Variants in NFYC observed in about 807,000 individuals in gnomAD.
NFYC encodes nuclear transcription factor Y subunit gamma.
A neutral mutation model predicts 53.1 loss-of-function variants in NFYC; 25 were observed. That is an observed-to-expected ratio of 0.47 (90% confidence interval 0.34 to 0.66). The LOEUF (loss-of-function observed/expected upper bound fraction) is 0.66, where lower values mean the gene tolerates loss of function less well. Among genes scored for constraint, NFYC ranks in the 30% least tolerant of loss-of-function variants. NFYC has a pLI of 0.01. For synonymous variants in NFYC, 145 were observed against 152.6 expected, an observed-to-expected ratio of 0.95 and a Z score of 0.37; for missense variants, 260 against 422.7, an observed-to-expected ratio of 0.62 and a Z score of 3.38.
At chr1:40,733,152 A>G (rs1434752988) in intron 1 of NFYC, among the ~76,000 whole-genome samples, 2 of 151,872 alleles carry the variant, frequency 1.3e-5, no homozygotes, top group Admixed American at 6.6e-5. Context: ...TCCTACCCTC[A>G]AGGAGCTTGT....
intron 1 of NFYC, among the ~76,000 whole-genome samples, chr1:40,711,002 C>T (rs1643911314): frequency 6.6e-6 from 1 of 152,124 alleles, no homozygotes; most frequent in Non-Finnish European, 1.5e-5. Flanking sequence ...TAGGAATTTT[C>T]AGGGAATAAG....
chr1:40,718,768 A>ATACT (rs1369658605), intron 1 of NFYC, among the ~76,000 whole-genome samples: 2 of 152,250 alleles, frequency 1.3e-5, no homozygotes, highest in Admixed American at 6.5e-5. Flanking sequence ...ATGCAGATAC[A>ATACT]TACTTTGTGG....
At chr1:40,769,151 C>T (rs1282193842) in intron 8 of NFYC, 8 of 574,648 alleles carry the variant, frequency 1.4e-5, no homozygotes, top group Non-Finnish European at 1.9e-5. Flanking sequence ...CCAGGATTCT[C>T]GATGTCACTT....
At chr1:40,745,565 G>A (rs571164589) in intron 2 of NFYC, among the ~76,000 whole-genome samples, 1 of 152,190 alleles carries the variant, frequency 6.6e-6, no homozygotes, top group South Asian at 2.1e-4. Flanking sequence ...ACTTAAATAG[G>A]CTGTGATTTT....
At chr1:40,746,700 C>A (rs1284554071) in intron 2 of NFYC, among the ~76,000 whole-genome samples, 1 of 152,148 alleles carries the variant, frequency 6.6e-6, no homozygotes, top group Non-Finnish European at 1.5e-5. Flanking sequence ...CCTAGAATTG[C>A]ATCCATCATT....
intron 1 of NFYC, among the ~76,000 whole-genome samples, chr1:40,713,564 T>C (rs1320767119): frequency 1.3e-5 from 2 of 152,240 alleles, no homozygotes; most frequent in East Asian, 3.8e-4. Context: ...TCCTTATTAC[T>C]GATAATATAT....
chr1:40,757,566 A>G lies in NFYC; in HGVS notation c.388-555A>G, dbSNP rs546146135. On this transcript the variant is annotated intron_variant, in intron 5 of 9. Coordinates refer to ENST00000447388, the MANE Select transcript of NFYC (RefSeq NM_014223.5). ...CCTCAGTGACCACAGAGCTTTCAAC[A>G]AGCTGTGAAAAGCTGGGTACTTGCC... 2.0e-5 allele frequency among the ~76,000 whole-genome samples: 3 copies of G among 152,280 alleles called. No individual in the cohort carries two copies. The East Asian group carries it at 5.8e-4, about 29-fold the overall frequency.
At chr1:40,723,279 G>C (rs1644391216) in intron 1 of NFYC, 2 of 152,210 alleles carry the variant, frequency 1.3e-5, no homozygotes, top group Non-Finnish European at 2.9e-5. Flanking sequence ...CACCCGGTAA[G>C]AAAATGATGC....
At chr1:40,700,150 C>T (rs1643360180) in intron 1 of NFYC, among the ~76,000 whole-genome samples, 1 of 152,160 alleles carries the variant, frequency 6.6e-6, no homozygotes, top group African/African-American at 2.4e-5. Context: ...GATACATCTT[C>T]AAGGTAACGT....
intron 1 of NFYC, among the ~76,000 whole-genome samples, chr1:40,717,968 C>G (rs1040149392): frequency 3.3e-5 from 5 of 152,118 alleles, no homozygotes; most frequent in Admixed American, 6.5e-5. Context: ...TATAAGACAC[C>G]TATATTTAGT....
intron 1 of NFYC, among the ~76,000 whole-genome samples, chr1:40,697,543 A>G (rs1643215768): frequency 6.6e-6 from 1 of 152,194 alleles, no homozygotes. Flanking sequence ...ATGCGATGAA[A>G]ACTTCTTCAT....
chr1:40,736,116 T>C (rs549654751), intron 1 of NFYC, among the ~76,000 whole-genome samples: 1 of 152,298 alleles, frequency 6.6e-6, no homozygotes, highest in African/African-American at 2.4e-5. Flanking sequence ...GGTACTAGAA[T>C]TTCTGTTCAG....
intron 1 of NFYC, among the ~76,000 whole-genome samples, chr1:40,696,551 C>G (rs1643158275): frequency 6.6e-6 from 1 of 152,208 alleles, no homozygotes; most frequent in South Asian, 2.1e-4. Flanking sequence ...GCCCAGATCA[C>G]TGGATTTCCA....
At chr1:40,731,985 C>T (rs879479373) in intron 1 of NFYC, among the ~76,000 whole-genome samples, 1 of 152,158 alleles carries the variant, frequency 6.6e-6, no homozygotes, top group Non-Finnish European at 1.5e-5. Context: ...GCTTAAGTTG[C>T]GGTTTCCAAG....
chr1:40,761,003 G>A (rs1313859941), intron 6 of NFYC, among the ~76,000 whole-genome samples: 1 of 152,178 alleles, frequency 6.6e-6, no homozygotes, highest in Admixed American at 6.5e-5. Flanking sequence ...CCAAGGGCAG[G>A]CTCTGATTGG....
At chr1:40,721,727 AT>A (rs1047400196) in intron 1 of NFYC, 1 of 151,676 alleles carries the variant, frequency 6.6e-6, no homozygotes, top group Non-Finnish European at 1.5e-5. Context: ...ACACAGGCTA[AT>A]TTTTTTTTCT....
intron 1 of NFYC, among the ~76,000 whole-genome samples, chr1:40,734,438 CTGCAACCTCCACCTCCTGGGTT>C (rs1278726215): frequency 6.6e-6 from 1 of 151,918 alleles, no homozygotes; most frequent in Non-Finnish European, 1.5e-5. Flanking sequence ...CCTCGGCTCA[CTGCAACCTCCACCTCCTGGGTT>C]TGCAGCCTCC....
Position 40,770,221 on chromosome 1 carries a change from G to A in NFYC, c.889-488G>A. 1 of 665,696 alleles carries A rather than the reference G, an allele frequency of 1.5e-6. No homozygotes were observed. The highest frequency in any genetic ancestry group is 2.7e-5 in the East Asian group (1 of 36,594). 41.2% of individuals were successfully genotyped at this position (665,696 alleles called of 1,614,324 possible). The stretch of plus-strand genomic sequence containing the variant: ...AATACCAGGCCACCTCCTTAGCAGG[G>A]TCCATGGAGAAAATTCAAATTCAGT... On this transcript the variant is annotated intron_variant, in intron 9 of 9. Coordinates refer to ENST00000447388, the MANE Select transcript of NFYC (RefSeq NM_014223.5). The surrounding 1 kb of genome is among the most constrained non-coding windows in gnomAD (Gnocchi z 5.3).
chr1:40,756,393 A>G (rs1646222915), intron 5 of NFYC, among the ~76,000 whole-genome samples: 2 of 152,244 alleles, frequency 1.3e-5, no homozygotes, highest in Admixed American at 1.3e-4. Flanking sequence ...TTTGTGTCTG[A>G]AGCACAGACT....
Sources: allele counts gnomAD v4.1 joint callset (sites outside exome capture counted in the v4.1 genomes callset), GRCh38; gene constraint gnomAD v4.1.1; non-coding constraint Gnocchi (gnomAD v3.1); transcripts MANE v1.5; gene names NCBI Gene and HGNC (gene_info 2026-07-23, HGNC 2026-07-21).